The following PELI2 variants were observed in gnomAD, a reference collection of about 807,000 sequenced individuals.
The protein encoded by PELI2 is E3 ubiquitin-protein ligase pellino homolog 2.
PELI2 carries 23 observed loss-of-function variants against 42.3 expected under a neutral mutation model. That is an observed-to-expected ratio of 0.54 (90% CI 0.39 to 0.77). PELI2 has a LOEUF of 0.77. PELI2 is among the 30% of genes least tolerant of loss of function. The pLI is 0.00. For missense variants in PELI2, 463 were observed against 553.2 expected, an observed-to-expected ratio of 0.84 and a Z score of 1.64; for synonymous variants, 245 against 212.2, an observed-to-expected ratio of 1.15 and a Z score of -1.34.
rs60291466 is a variant in PELI2 at position 56,183,281 on chromosome 14, T to C, written c.207+4817T>C. On this transcript the variant is annotated intron_variant, in intron 2 of 5. Coordinates refer to ENST00000267460, the MANE Select transcript of PELI2 (RefSeq NM_021255.3). ...ACACAGTTAAGAATATCTTTAATAC[T>C]GTGCAGGAATATAAACCTGAAACAA... 8.4e-3 allele frequency among the ~76,000 whole-genome samples: 1,279 copies of C among 152,290 alleles called. 18 individuals are homozygous for C. Among genetic ancestry groups the C allele is most frequent in the African/African-American group, 0.03 (1,227 of 41,554 alleles).
intron 2 of PELI2, among the ~76,000 whole-genome samples, chr14:56,231,962 C>G (rs1159218488): frequency 6.6e-6 from 1 of 152,198 alleles, no homozygotes; most frequent in Non-Finnish European, 1.5e-5. Flanking sequence ...AAACCACCAT[C>G]AGAGAATACT....
At chr14:56,228,131 A>G (rs1326748522) in intron 2 of PELI2, among the ~76,000 whole-genome samples, 1 of 152,248 alleles carries the variant, frequency 6.6e-6, no homozygotes, top group Non-Finnish European at 1.5e-5. Flanking sequence ...GCCCTGTAAA[A>G]CTTTCATTTC....
chr14:56,225,394 C>T (rs1408282493), intron 2 of PELI2, among the ~76,000 whole-genome samples: 2 of 152,100 alleles, frequency 1.3e-5, no homozygotes, highest in Non-Finnish European at 2.9e-5. Context: ...AGTGATGCGA[C>T]CACAAAGCTG....
intron 1 of PELI2, among the ~76,000 whole-genome samples, chr14:56,174,556 G>A (rs1016515587): frequency 6.6e-6 from 1 of 152,114 alleles, no homozygotes; most frequent in African/African-American, 2.4e-5. Flanking sequence ...TGGCGGGGTG[G>A]GGGTTGGATT....
At chr14:56,161,462 A>G (rs184357712) in intron 1 of PELI2, among the ~76,000 whole-genome samples, 16 of 152,156 alleles carry the variant, frequency 1.1e-4, no homozygotes, top group African/African-American at 2.6e-4. Flanking sequence ...TTTAGTAGAG[A>G]TGGAGTTTCA....
At position 56,255,927 on chromosome 14, in the gene PELI2, G is replaced by T. The variant is rs12101004; in HGVS notation, c.208-23749G>T. On this transcript the variant is annotated intron_variant, in intron 2 of 5. Transcript: ENST00000267460. ...CCCTAGTTCCTGCTGGCATTCACTCGTGCAAGCTCCCAGCTTGCTTGTCTA... is the reference window on the plus strand; with the variant it reads ...CCCTAGTTCCTGCTGGCATTCACTCTTGCAAGCTCCCAGCTTGCTTGTCTA... Among the ~76,000 whole-genome samples the T allele has an allele frequency of 5.8e-3, 889 of 152,228 alleles. 9 individuals are homozygous for T. Among genetic ancestry groups the T allele is most frequent in the African/African-American group, 0.021 (854 of 41,528 alleles).
chr14:56,151,054 G>A (rs1884332796), intron 1 of PELI2, among the ~76,000 whole-genome samples: 1 of 152,226 alleles, frequency 6.6e-6, no homozygotes, highest in African/African-American at 2.4e-5. Context: ...TTTGTGGCTG[G>A]AACTTAGAAA....
At chr14:56,295,047 G>C (rs1152464) in intron 5 of PELI2, among the ~76,000 whole-genome samples, 23,982 of 151,952 alleles carry the variant, frequency 0.16, 2,303 homozygotes, top group African/African-American at 0.26. Context: ...AGGCACGTAA[G>C]AGGCTCTTGC....
intron 1 of PELI2, among the ~76,000 whole-genome samples, chr14:56,173,989 C>T (rs1885275417): frequency 6.6e-6 from 1 of 152,124 alleles, no homozygotes; most frequent in Non-Finnish European, 1.5e-5. Flanking sequence ...GAAACCTCTG[C>T]TTCCTGGGTT....
At chr14:56,224,902 AT>A (rs1440164402) in intron 2 of PELI2, among the ~76,000 whole-genome samples, 2 of 151,830 alleles carry the variant, frequency 1.3e-5, no homozygotes, top group Non-Finnish European at 2.9e-5. Flanking sequence ...GTCCCCTCCT[AT>A]TTGGTACATA....
intron 1 of PELI2, among the ~76,000 whole-genome samples, chr14:56,163,712 G>T (rs1884848713): frequency 6.6e-6 from 1 of 151,914 alleles, no homozygotes; most frequent in Non-Finnish European, 1.5e-5. Context: ...ATGAACATGG[G>T]ATGTCTTTTC....
intron 1 of PELI2, among the ~76,000 whole-genome samples, chr14:56,135,840 G>A (rs1034347384): frequency 1.3e-5 from 2 of 152,208 alleles, no homozygotes; most frequent in African/African-American, 4.8e-5. Flanking sequence ...GAAGAGGCAT[G>A]CTTTTGGACT....
At chr14:56,233,155 A>G (rs1282410173) in intron 2 of PELI2, among the ~76,000 whole-genome samples, 1 of 152,156 alleles carries the variant, frequency 6.6e-6, no homozygotes, top group Non-Finnish European at 1.5e-5. Context: ...GGAAGAATCA[A>G]TATCGTGAAA....
intron 2 of PELI2, among the ~76,000 whole-genome samples, chr14:56,265,144 A>G (rs1032000812): frequency 1.3e-5 from 2 of 152,162 alleles, no homozygotes; most frequent in Non-Finnish European, 2.9e-5. Flanking sequence ...CTGATTCTAA[A>G]TTTCATTTGA....
At chr14:56,119,761 A>T in intron 1 of PELI2, 1 of 979,156 alleles carries the variant, frequency 1.0e-6, no homozygotes, top group Non-Finnish European at 1.2e-6. Context: ...TTAGTGTTGA[A>T]GAAAGGATTA....
At chr14:56,176,810 T>C (rs1195044312) in intron 1 of PELI2, among the ~76,000 whole-genome samples, 3 of 152,226 alleles carry the variant, frequency 2.0e-5, no homozygotes, top group Non-Finnish European at 4.4e-5. Flanking sequence ...TTGTACTAAT[T>C]GTGTGTAGGC....
intron 2 of PELI2, among the ~76,000 whole-genome samples, chr14:56,270,602 C>T (rs987462226): frequency 1.3e-5 from 2 of 152,134 alleles, no homozygotes; most frequent in African/African-American, 4.8e-5. Context: ...ATACTTAAAG[C>T]CAAACAGAAT....
chr14:56,278,474 G>A (rs777776189), intron 2 of PELI2, among the ~76,000 whole-genome samples: 46 of 152,276 alleles, frequency 3.0e-4, no homozygotes, highest in Non-Finnish European at 5.9e-4. Context: ...TTAAGACGAT[G>A]TCTGTTAGTA....
chr14:56,288,380 A>T lies in PELI2; in HGVS notation c.310-57A>T. On this transcript the variant is annotated intron_variant, in intron 3 of 5. Transcript: ENST00000267460. The surrounding 1 kb of genome is among the most constrained non-coding windows in gnomAD (Gnocchi z 4.6). Reference sequence around the variant, plus strand: ...TCCTGAATGCTTTTTCCTTGTGAATAAAATACGGCACCCTGCTATTTTCCA... The same window carrying T: ...TCCTGAATGCTTTTTCCTTGTGAATTAAATACGGCACCCTGCTATTTTCCA... 2.2e-6 allele frequency: 3 copies of T among 1,349,942 alleles called. No homozygotes were observed. The Admixed American group carries it at 5.5e-5, about 25-fold the overall frequency. The allele number at this position is 1,349,942 out of a possible 1,614,324, so 83.6% of individuals were successfully genotyped here.
Sources: gnomAD v4.1 joint callset for allele counts (sites outside exome capture counted in the v4.1 genomes callset) on GRCh38, gnomAD v4.1.1 for gene constraint, Gnocchi (gnomAD v3.1) non-coding constraint, MANE v1.5 for transcripts, NCBI Gene and HGNC (gene_info 2026-07-23, HGNC 2026-07-21) for gene names.